SSC5D: variants seen among roughly 807,000 people sequenced by gnomAD.
SSC5D encodes the protein soluble scavenger receptor cysteine-rich domain-containing protein SSC5D.
Under a neutral mutation model 104.6 loss-of-function variants are expected in SSC5D, and 106 were observed. The observed-to-expected ratio is 1.01, with a 90% CI of 0.87 to 1.19. The LOEUF (loss-of-function observed/expected upper bound fraction) is 1.19. Among genes scored for constraint, SSC5D ranks in the 50% most tolerant of loss-of-function variants. The pLI is 0.00. For missense variants in SSC5D, 1,993 were observed against 2,153.8 expected (o/e 0.93, Z 1.48); for synonymous variants, 860 against 883.5 (o/e 0.97, Z 0.47).
chr19:55,497,663 A>T (rs1228189888), intron 8 of SSC5D, among the ~76,000 whole-genome samples: 1 of 152,242 alleles, frequency 6.6e-6, no homozygotes, highest in Admixed American at 6.5e-5. Flanking sequence ...AGGATCCTCC[A>T]AACTCTGCCT....
intron 12 of SSC5D, among the ~76,000 whole-genome samples, chr19:55,509,844 C>G (rs1326177289): frequency 2.3e-5 from 2 of 85,862 alleles, no homozygotes; most frequent in Admixed American, 1.8e-4. Context: ...GAGCGAAACT[C>G]TGTCTCAAAA....
chr19:55,507,884 G>A (rs1004528188), intron 12 of SSC5D, among the ~76,000 whole-genome samples: 6 of 152,034 alleles, frequency 3.9e-5, no homozygotes, highest in African/African-American at 9.7e-5. Flanking sequence ...CAGGGAGCCC[G>A]GGAGGTCCAG....
In SSC5D at chr19:55,518,795, C is replaced by T. The variant is rs1333790156; in HGVS notation, c.4519C>T (p.Leu1507=). The T allele has an allele frequency of 3.9e-6, 6 of 1,550,500 alleles. No homozygotes were observed. In the South Asian group the frequency reaches 5.9e-5, roughly 15 times the overall value. Residue 1507 remains leucine, a synonymous_variant, in exon 14 of 14, where the codon CTG becomes TTG. Transcript: ENST00000389623. ...VRDVGGQLQR[L]TQVVEQERQE... ...GGATGTGGGTGGTCAGCTGCAGAGACTGACCCAGGTCGTGGAACAGGAGCG... is the reference window on the plus strand; with the variant it reads ...GGATGTGGGTGGTCAGCTGCAGAGATTGACCCAGGTCGTGGAACAGGAGCG...
chr19:55,506,358 G>A (rs540816340), intron 12 of SSC5D, among the ~76,000 whole-genome samples: 2 of 145,304 alleles, frequency 1.4e-5, no homozygotes, highest in South Asian at 4.5e-4. Flanking sequence ...GAGATTGGAG[G>A]CCTGTGGAAT....
At chr19:55,501,750 C>T (rs1987510795) in intron 12 of SSC5D, among the ~76,000 whole-genome samples, 1 of 152,182 alleles carries the variant, frequency 6.6e-6, no homozygotes, top group Admixed American at 6.5e-5. Flanking sequence ...TCCTTCCACA[C>T]CTGGGACCAC....
intron 12 of SSC5D, among the ~76,000 whole-genome samples, chr19:55,504,718 C>G (rs1345790595): frequency 2.0e-5 from 3 of 152,154 alleles, no homozygotes; most frequent in South Asian, 2.1e-4. Context: ...CCAGGCTGGT[C>G]TCAAAGCCGA....
rs1482258170 is a variant in SSC5D at position 55,499,918 on chromosome 19, A to C, written c.1808A>C (p.Lys603Thr). The change falls in exon 10 of 14, where the codon AAG becomes ACG. Residue 603 changes from lysine (K) to threonine (T), a missense_variant. Physicochemically the swap from Lys to Thr is moderately conservative, Grantham distance 78. Coordinates refer to ENST00000389623, the MANE Select transcript of SSC5D (RefSeq NM_001144950.2). Reference sequence around the variant, plus strand: ...TGGCTCCCGGGAGAGCTGGCCACCAAGCCCTCTGCAAGTGTGACTGCCAGT... The same window carrying C: ...TGGCTCCCGGGAGAGCTGGCCACCACGCCCTCTGCAAGTGTGACTGCCAGT... ...DAWLPGELAT[K>T]PSASVTASVL... The C allele has an allele frequency of 6.4e-7, 1 of 1,551,858 alleles. No individual in the cohort carries two copies. The highest frequency in any genetic ancestry group is 8.7e-7 in the Non-Finnish European group (1 of 1,147,040).
intron 2 of SSC5D, 26 bp from the exon 3 acceptor site, chr19:55,489,328 G>T: frequency 7.0e-7 from 1 of 1,427,930 alleles, no homozygotes; most frequent in Non-Finnish European, 9.1e-7. Context: ...CCCCTCCCCA[G>T]TCACAGCCAT....
At chr19:55,489,061 C>G (rs559239947) in intron 2 of SSC5D, 29 bp downstream of exon 2, 30,247 of 910,284 alleles carry the variant, frequency 0.033, 688 homozygotes, top group Middle Eastern at 0.062. Context: ...CCCATCTGCC[C>G]GCCCCCCCCC....
chr19:55,505,317 T>G (rs929760845), intron 12 of SSC5D, among the ~76,000 whole-genome samples: 1 of 151,682 alleles, frequency 6.6e-6, no homozygotes, highest in Non-Finnish European at 1.5e-5. Context: ...CAAGGAGAAA[T>G]GAATTCTCAG....
chr19:55,490,651 G>T, intron 5 of SSC5D, 121 bp from the exon 6 acceptor site: 1 of 1,200,872 alleles, frequency 8.3e-7, no homozygotes, highest in Middle Eastern at 2.9e-4. Flanking sequence ...TTCACGGGCT[G>T]CCGGCGGACA....
chr19:55,490,215 C>T (rs1234090021), intron 4 of SSC5D, 83 bp from the exon 5 acceptor site: 2 of 642,940 alleles, frequency 3.1e-6, no homozygotes, highest in East Asian at 5.6e-5. Context: ...CACTTCAGAC[C>T]CTCAGAGACG....
intron 8 of SSC5D, 40 bp downstream of exon 8, chr19:55,494,823 C>T (rs566433712): frequency 1.1e-5 from 16 of 1,494,350 alleles, no homozygotes; most frequent in South Asian, 1.3e-5. Flanking sequence ...AGGGTCCTTC[C>T]TTCTGTTTCC....
intron 13 of SSC5D, among the ~76,000 whole-genome samples, chr19:55,516,390 G>A (rs1262028114): frequency 1.3e-5 from 2 of 151,994 alleles, no homozygotes; most frequent in Admixed American, 6.6e-5. Flanking sequence ...CCAGCTACTC[G>A]GGAGGCTGAG....
chr19:55,490,607 G>T (rs1381435323), intron 5 of SSC5D, among the ~76,000 whole-genome samples, 165 bp from the exon 6 acceptor site: 1 of 152,180 alleles, frequency 6.6e-6, no homozygotes, highest in Non-Finnish European at 1.5e-5. Flanking sequence ...GGAGGCCCAG[G>T]TGTCCTGGCC....
chr19:55,513,258 T>G, intron 13 of SSC5D, 86 bp downstream of exon 13: 2 of 1,317,306 alleles, frequency 1.5e-6, no homozygotes, highest in Non-Finnish European at 2.0e-6. Flanking sequence ...ACTGGAACCC[T>G]TACCCCAGAA....
intron 12 of SSC5D, among the ~76,000 whole-genome samples, chr19:55,502,151 A>T (rs1358406225): frequency 6.6e-6 from 1 of 151,514 alleles, no homozygotes; most frequent in Non-Finnish European, 1.5e-5. Context: ...CTCCTGTCTC[A>T]CTCTCTCAAA....
In SSC5D at chr19:55,517,394, G is replaced by A. The variant is rs1332973652; in HGVS notation, c.3118G>A (p.Ala1040Thr). 6.4e-7 allele frequency: 1 copy of A among 1,550,770 alleles called. No homozygotes were observed. Among genetic ancestry groups the A allele is most frequent in the Non-Finnish European group, 8.7e-7 (1 of 1,146,932 alleles). The change falls in exon 14 of 14, where the codon GCG becomes ACG. Residue 1040 changes from alanine to threonine, a missense_variant. Coordinates refer to ENST00000389623, the MANE Select transcript of SSC5D (RefSeq NM_001144950.2). Reference sequence around the variant, plus strand: ...TCCCCACTCAGCCTTGACGTCCGAGGCGACCTCTGACGCTCCGGACACTTC... The same window carrying A: ...TCCCCACTCAGCCTTGACGTCCGAGACGACCTCTGACGCTCCGGACACTTC... ...LTPHSALTSE[A>T]TSDAPDTSPP...
At chr19:55,504,661 G>T (rs1393483626) in intron 12 of SSC5D, among the ~76,000 whole-genome samples, 4 of 152,048 alleles carry the variant, frequency 2.6e-5, no homozygotes, top group African/African-American at 9.7e-5. Flanking sequence ...CCACCACACC[G>T]GGCTAATTTT....
Sources: allele counts gnomAD v4.1 joint callset (sites outside exome capture counted in the v4.1 genomes callset), GRCh38; gene constraint gnomAD v4.1.1; transcripts MANE v1.5; gene names NCBI Gene and HGNC (gene_info 2026-07-23, HGNC 2026-07-21).